NETO1: variants seen among roughly 807,000 people sequenced by gnomAD.
NETO1 encodes the protein neuropilin and tolloid like 1.
In NETO1, 26 loss-of-function variants were observed where a neutral mutation model predicts 61.3. The ratio of observed to expected loss-of-function variants is 0.42; its 90% CI spans 0.31 to 0.59. The LOEUF is 0.59. NETO1 is among the 20% of genes least tolerant of loss of function. The probability of loss-of-function intolerance (pLI) is 0.12; values close to 1 mark genes in which losing one functional copy is unlikely to be tolerated. For synonymous variants in NETO1, 225 were observed against 225.8 expected (o/e 1.00, Z 0.03); for missense variants, 531 against 662.8 (o/e 0.80, Z 2.18).
At chr18:72,787,956 A>G (rs1273470887) in intron 6 of NETO1, among the ~76,000 whole-genome samples, 1 of 152,232 alleles carries the variant, frequency 6.6e-6, no homozygotes, top group Non-Finnish European at 1.5e-5. Flanking sequence ...TTGACTATCA[A>G]GTTATAAATA....
At position 72,750,183 on chromosome 18, in the gene NETO1, T is replaced by C. The variant is rs1225175754; in HGVS notation, c.1420A>G (p.Asn474Asp). The C allele has an allele frequency of 6.2e-7, 1 of 1,614,052 alleles. No individual in the cohort carries two copies. Residue 474 changes from asparagine to aspartate, a missense_variant, in exon 9 of 11, where the codon AAT (asparagine) becomes GAT (aspartate). Asn to Asp is a conservative substitution (Grantham distance 23). Coordinates refer to ENST00000327305, the MANE Select transcript of NETO1 (RefSeq NM_138966.5). Reference sequence around the variant, plus strand: ...TAGCTGTGTTTCATGACAAGGATATTTCTTCTGTTCATGGGTGGGATGAGG... The same window carrying C: ...TAGCTGTGTTTCATGACAAGGATATCTCTTCTGTTCATGGGTGGGATGAGG... ...KPLIPPMNRR[N>D]ILVMKHSYSQ...
intron 4 of NETO1, among the ~76,000 whole-genome samples, chr18:72,809,622 A>C (rs905127178): frequency 3.9e-5 from 6 of 152,266 alleles, no homozygotes; most frequent in African/African-American, 1.4e-4. Context: ...AATTATCTTA[A>C]TTCAAAGAAT....
chr18:72,794,709 A>C (rs1211726404), intron 4 of NETO1, among the ~76,000 whole-genome samples: 1 of 152,164 alleles, frequency 6.6e-6, no homozygotes, highest in Non-Finnish European at 1.5e-5. Flanking sequence ...CTATAACTCC[A>C]TAGGTAGAAT....
intron 6 of NETO1, among the ~76,000 whole-genome samples, chr18:72,789,115 A>C (rs950669018): frequency 6.6e-6 from 1 of 152,036 alleles, no homozygotes; most frequent in African/African-American, 2.4e-5. Flanking sequence ...TTATAAACTT[A>C]TGTAGAATAT....
Position 72,830,553 on chromosome 18 carries a change from T to G in NETO1, c.469+28273A>C, listed in dbSNP as rs1441569688. Among the ~76,000 whole-genome samples, 3 of 152,124 alleles carry G rather than the reference T, an allele frequency of 2.0e-5. No individual in the cohort carries two copies. The highest frequency in any genetic ancestry group is 4.4e-5 in the Non-Finnish European group (3 of 68,020). On this transcript the variant is annotated intron_variant, in intron 4 of 10. Transcript: ENST00000327305. The surrounding 1 kb of genome is among the most constrained non-coding windows in gnomAD (Gnocchi z 4.9). The stretch of plus-strand genomic sequence containing the variant: ...GGCTTACAATTCCTCAATGAACAGA[T>G]GTATTACAGAAGACTGCCAGAATTT...
intron 3 of NETO1, 36 bp downstream of exon 3, chr18:72,864,772 T>A: frequency 6.2e-7 from 1 of 1,613,626 alleles, no homozygotes; most frequent in Non-Finnish European, 8.5e-7. Context: ...GGTTTTGGCT[T>A]AGTGCTTTCT....
At chr18:72,832,517 C>A (rs2073615094) in intron 4 of NETO1, among the ~76,000 whole-genome samples, 1 of 152,122 alleles carries the variant, frequency 6.6e-6, no homozygotes, top group South Asian at 2.1e-4. Context: ...CCAAGTAGTC[C>A]TCTTTAGATT....
intron 4 of NETO1, among the ~76,000 whole-genome samples, chr18:72,814,931 G>GA (rs72121412): frequency 0.15 from 22,363 of 150,132 alleles, 1,845 homozygotes; most frequent in Middle Eastern, 0.23. Context: ...GCTTATCAAA[G>GA]AAAAAAAAAT....
At chr18:72,760,626 A>T (rs192801923) in intron 7 of NETO1, among the ~76,000 whole-genome samples, 57 of 152,302 alleles carry the variant, frequency 3.7e-4, no homozygotes, top group Non-Finnish European at 1.6e-4. Flanking sequence ...TTTGCCCTTG[A>T]GCTGATTAAC....
chr18:72,754,650 G>A (rs889808307), intron 8 of NETO1, among the ~76,000 whole-genome samples: 1 of 152,060 alleles, frequency 6.6e-6, no homozygotes, highest in African/African-American at 2.4e-5. Context: ...TATGAATTTA[G>A]CACCCAAGCT....
chr18:72,784,482 A>G (rs1480533136), intron 6 of NETO1, among the ~76,000 whole-genome samples: 1 of 152,212 alleles, frequency 6.6e-6, no homozygotes, highest in Admixed American at 6.5e-5. Flanking sequence ...TATATAGACA[A>G]GCCATTTAGC....
At chr18:72,853,460 AT>A (rs945941599) in intron 4 of NETO1, 15 of 152,230 alleles carry the variant, frequency 9.9e-5, no homozygotes, top group African/African-American at 3.6e-4. Context: ...GGAAAAAAAA[AT>A]CGAAGTCCTT....
intron 7 of NETO1, among the ~76,000 whole-genome samples, chr18:72,761,949 A>C (rs2070988225): frequency 6.6e-6 from 1 of 152,136 alleles, no homozygotes; most frequent in Non-Finnish European, 1.5e-5. Context: ...AGATTCAAAG[A>C]AGTCATGAGG....
chr18:72,774,181 A>C (rs562282944), intron 7 of NETO1, among the ~76,000 whole-genome samples: 1 of 152,288 alleles, frequency 6.6e-6, no homozygotes, highest in Admixed American at 6.5e-5. Context: ...AAAAGTTGTA[A>C]AGAAGAGCAG....
At chr18:72,752,223 C>T (rs1376896737) in intron 8 of NETO1, among the ~76,000 whole-genome samples, 1 of 152,154 alleles carries the variant, frequency 6.6e-6, no homozygotes, top group Non-Finnish European at 1.5e-5. Context: ...TCAAGGACTA[C>T]CCTTGCAATT....
chr18:72,780,153 G>T (rs1309263029), intron 7 of NETO1, among the ~76,000 whole-genome samples: 2 of 152,192 alleles, frequency 1.3e-5, no homozygotes, highest in Non-Finnish European at 2.9e-5. Flanking sequence ...GTGGTAACAT[G>T]ACTAAAGGAT....
intron 4 of NETO1, among the ~76,000 whole-genome samples, chr18:72,817,891 C>T (rs1476572417): frequency 6.6e-6 from 1 of 152,194 alleles, no homozygotes; most frequent in African/African-American, 2.4e-5. Flanking sequence ...CCAGTGAAGA[C>T]ACCCATATAG....
chr18:72,794,009 G>T, intron 6 of NETO1, 108 bp downstream of exon 6: 1 of 1,384,924 alleles, frequency 7.2e-7, no homozygotes, highest in Non-Finnish European at 1.0e-6. Flanking sequence ...AGCCTTTGAT[G>T]GCTGCACTCT....
intron 1 of NETO1, chr18:72,865,744 G>C (rs2074714939): frequency 6.9e-7 from 1 of 1,446,458 alleles, no homozygotes; most frequent in South Asian, 1.4e-5. Context: ...GACTGTGGAG[G>C]AGGAGAATAA....
Sources: allele counts gnomAD v4.1 joint callset (sites outside exome capture counted in the v4.1 genomes callset), GRCh38; gene constraint gnomAD v4.1.1; non-coding constraint Gnocchi (gnomAD v3.1); transcripts MANE v1.5; gene names NCBI Gene and HGNC (gene_info 2026-07-23, HGNC 2026-07-21).